HECW1: variants seen among roughly 807,000 people sequenced by gnomAD.
HECW1 encodes the protein HECT, C2 and WW domain containing E3 ubiquitin protein ligase 1.
HECW1 carries 61 observed loss-of-function variants against 182.3 expected under a neutral mutation model. That is an observed-to-expected ratio of 0.33 (90% CI 0.27 to 0.41). HECW1 has a LOEUF of 0.41. Among genes scored for constraint, HECW1 ranks in the 10% least tolerant of loss-of-function variants. HECW1 has a pLI of 1.00. For synonymous variants in HECW1, 859 were observed against 832.6 expected, an observed-to-expected ratio of 1.03 and a Z score of -0.55; for missense variants, 1,739 against 2,108.9, an observed-to-expected ratio of 0.82 and a Z score of 3.44.
intron 4 of HECW1, among the ~76,000 whole-genome samples, chr7:43,316,767 T>TCCTCCCC (rs1809324309): frequency 6.8e-4 from 2 of 2,944 alleles, no homozygotes; most frequent in African/African-American, 1.2e-3. Flanking sequence ...CCCCTCCCCT[T>TCCTCCCC]TTCTCTCCTC....
intron 3 of HECW1, among the ~76,000 whole-genome samples, chr7:43,310,914 T>C (rs1451552560): frequency 6.6e-6 from 1 of 152,218 alleles, no homozygotes; most frequent in Non-Finnish European, 1.5e-5. Context: ...GCAATTTTAA[T>C]ATACTTTGAT....
At chr7:43,121,089 T>G (rs535347358) in intron 2 of HECW1, among the ~76,000 whole-genome samples, 1 of 152,172 alleles carries the variant, frequency 6.6e-6, no homozygotes, top group Non-Finnish European at 1.5e-5. Flanking sequence ...GGTTCTTCCT[T>G]CCTGCCTGGA....
chr7:43,366,692 A>G (rs1401189258), intron 6 of HECW1, among the ~76,000 whole-genome samples: 2 of 152,172 alleles, frequency 1.3e-5, no homozygotes, highest in Non-Finnish European at 2.9e-5. Flanking sequence ...ATCAATCACC[A>G]TGTATCTTCA....
intron 6 of HECW1, among the ~76,000 whole-genome samples, chr7:43,380,407 C>A (rs545859406): frequency 6.6e-6 from 1 of 152,094 alleles, no homozygotes; most frequent in East Asian, 1.9e-4. Flanking sequence ...TAGGATTAAT[C>A]CATATCGTGC....
At chr7:43,528,476 A>G (rs56692346) in intron 24 of HECW1, among the ~76,000 whole-genome samples, 1,954 of 152,370 alleles carry the variant, frequency 0.013, 27 homozygotes, top group African/African-American at 0.044. Flanking sequence ...AGCTAACCAG[A>G]ATGATGGGTC....
At chr7:43,423,352 T>C (rs2076256512) in intron 8 of HECW1, among the ~76,000 whole-genome samples, 2 of 152,204 alleles carry the variant, frequency 1.3e-5, no homozygotes, top group African/African-American at 2.4e-5. Context: ...AAGGAACTCA[T>C]GAATGAATCA....
chr7:43,160,924 T>C (rs1790461246), intron 2 of HECW1, among the ~76,000 whole-genome samples: 1 of 152,122 alleles, frequency 6.6e-6, no homozygotes, highest in South Asian at 2.1e-4. Context: ...TATTTTTACC[T>C]TATTCAATTT....
chr7:43,191,435 A>G (rs913447427), intron 2 of HECW1, among the ~76,000 whole-genome samples: 2 of 152,242 alleles, frequency 1.3e-5, no homozygotes, highest in Non-Finnish European at 2.9e-5. Context: ...GAATGGGGAC[A>G]TGCGAGGTGT....
chr7:43,304,990 T>C (rs901185276), intron 3 of HECW1, among the ~76,000 whole-genome samples: 4 of 152,186 alleles, frequency 2.6e-5, no homozygotes, highest in Admixed American at 6.5e-5. Flanking sequence ...GAAATCTCCA[T>C]TGAGGCCAGA....
intron 6 of HECW1, among the ~76,000 whole-genome samples, chr7:43,367,772 A>G (rs1816827423): frequency 6.6e-6 from 1 of 152,204 alleles, no homozygotes; most frequent in Non-Finnish European, 1.5e-5. Flanking sequence ...TGGAATAGAA[A>G]AGGAGTTTCC....
rs1266056610 is a variant in HECW1, at chr7:43,479,650, T to C, written c.3140T>C (p.Ile1047Thr). The change falls in exon 17 of 30, where the codon ATT becomes ACT. Residue 1047 changes from isoleucine (I) to threonine (T), a missense_variant. Physicochemically the swap from Ile to Thr is moderately conservative, Grantham distance 89. This residue lies in a region of HECW1 where 971 missense variants were observed against 1,029.1 expected (regional missense o/e 0.94). Transcript: ENST00000395891. ...VDHNSRATTF[I>T]DPRIPLQNGR... ...CACAACAGTCGAGCTACCACTTTCA[T>C]TGACCCCCGAATCCCTCTTCAGAAC... The C allele has an allele frequency of 1.2e-6, 2 of 1,613,980 alleles. No homozygotes were observed. Among genetic ancestry groups the C allele is most frequent in the African/African-American group, 2.7e-5 (2 of 74,904 alleles).
At chr7:43,156,886 A>G (rs757757967) in intron 2 of HECW1, among the ~76,000 whole-genome samples, 6 of 152,220 alleles carry the variant, frequency 3.9e-5, no homozygotes, top group Admixed American at 2.0e-4. Flanking sequence ...TTCCATCAGC[A>G]TGAGTTTCTT....
chr7:43,408,930 C>A (rs2075704900), intron 8 of HECW1, among the ~76,000 whole-genome samples: 1 of 152,128 alleles, frequency 6.6e-6, no homozygotes, highest in Admixed American at 6.5e-5. Context: ...CCACCTGAGC[C>A]TTAGATTACC....
chr7:43,357,388 AAG>A (rs750233934), intron 5 of HECW1, among the ~76,000 whole-genome samples: 2 of 152,206 alleles, frequency 1.3e-5, no homozygotes, highest in African/African-American at 2.4e-5. Flanking sequence ...AGTCACAAAA[AAG>A]AATGGAATTC....
intron 24 of HECW1, chr7:43,510,346 G>T (rs1380685650): frequency 1.3e-5 from 2 of 152,186 alleles, no homozygotes; most frequent in African/African-American, 4.8e-5. Flanking sequence ...GTGTCTTAGA[G>T]ATCATGAATT....
At chr7:43,456,247 G>T (rs1312069160) in intron 12 of HECW1, 50 bp from the exon 13 acceptor site, 9 of 1,566,702 alleles carry the variant, frequency 5.7e-6, no homozygotes, top group Non-Finnish European at 7.8e-6. Flanking sequence ...TTTCACGTGG[G>T]TCAGTAGTTT....
intron 2 of HECW1, among the ~76,000 whole-genome samples, chr7:43,222,071 G>A (rs796264700): frequency 9.2e-5 from 14 of 152,266 alleles, no homozygotes; most frequent in African/African-American, 3.4e-4. Context: ...TGGACGTTAA[G>A]GTTTAAAAGT....
chr7:43,354,022 C>T (rs1354318818), intron 5 of HECW1, among the ~76,000 whole-genome samples: 1 of 152,088 alleles, frequency 6.6e-6, no homozygotes, highest in Admixed American at 6.6e-5. Flanking sequence ...GGACCTCCTC[C>T]ATTCAGGATG....
intron 2 of HECW1, among the ~76,000 whole-genome samples, chr7:43,128,788 G>A (rs1786563756): frequency 6.6e-6 from 1 of 152,200 alleles, no homozygotes; most frequent in African/African-American, 2.4e-5. Context: ...TGAGGTTCAT[G>A]AGAAGAGGTC....
Sources: gnomAD v4.1 joint callset for allele counts (sites outside exome capture counted in the v4.1 genomes callset) on GRCh38, gnomAD v4.1.1 for gene constraint, gnomAD v4.1.1 regional missense constraint, MANE v1.5 for transcripts, NCBI Gene and HGNC (gene_info 2026-07-23, HGNC 2026-07-21) for gene names.